TPR: variants seen among roughly 807,000 people sequenced by gnomAD.
The protein encoded by TPR is translocated promoter region, nuclear basket protein.
In TPR, 51 loss-of-function variants were observed where a neutral mutation model predicts 316.1. The observed-to-expected ratio is 0.16, with a 90% CI of 0.13 to 0.20. The LOEUF is 0.20. Among genes scored for constraint, TPR ranks in the 10% least tolerant of loss-of-function variants. TPR has a pLI of 1.00. For missense variants in TPR, 2,272 were observed against 2,754.8 expected, an observed-to-expected ratio of 0.82 and a Z score of 3.92; for synonymous variants, 981 against 914.7, an observed-to-expected ratio of 1.07 and a Z score of -1.31.
chr1:186,315,206 C>CAAAAA (rs200336536), intron 49 of TPR, among the ~76,000 whole-genome samples: 5 of 111,070 alleles, frequency 4.5e-5, no homozygotes, highest in African/African-American at 1.9e-4. Context: ...GGCCCTGTCT[C>CAAAAA]AAAAAAAAAA....
intron 39 of TPR, 92 bp downstream of exon 39, chr1:186,331,403 TAAA>T: frequency 1.5e-6 from 1 of 670,900 alleles, no homozygotes; most frequent in Non-Finnish European, 2.4e-6. Flanking sequence ...AAGAACAAGC[TAAA>T]AAAAAAAAGA....
In TPR at chr1:186,348,905, T is replaced by C. The variant is rs1038284341; in HGVS notation, c.2776+1318A>G. On this transcript the variant is annotated intron_variant, in intron 21 of 50. Coordinates refer to ENST00000367478, the MANE Select transcript of TPR (RefSeq NM_003292.3). ...AGAATGTTTTATCACATGATATCAA[T>C]AGGAAAGTATATAATTATCTACTAG... Among the ~76,000 whole-genome samples, 238 of 152,150 alleles carry C rather than the reference T, an allele frequency of 1.6e-3. 5 individuals are homozygous for C. The highest frequency in any genetic ancestry group is 2.6e-4 in the Non-Finnish European group (18 of 68,030).
chr1:186,358,457 T>A, intron 13 of TPR, 86 bp downstream of exon 13: 1 of 978,986 alleles, frequency 1.0e-6, no homozygotes, highest in Admixed American at 2.5e-5. Context: ...ACATGGTAGT[T>A]CTATCTTAGG....
chr1:186,372,661 C>T (rs1384257490), intron 2 of TPR, among the ~76,000 whole-genome samples: 1 of 152,196 alleles, frequency 6.6e-6, no homozygotes, highest in Non-Finnish European at 1.5e-5. Context: ...GGCACCCCAT[C>T]TCGTCTGATC....
At chr1:186,354,923 G>C (rs951851745) in intron 17 of TPR, among the ~76,000 whole-genome samples, 1 of 151,458 alleles carries the variant, frequency 6.6e-6, no homozygotes, top group African/African-American at 2.4e-5. Context: ...ATTTTTTTGA[G>C]ACAGAATCTC....
At chr1:186,326,046 G>A in intron 41 of TPR, 58 bp downstream of exon 41, 1 of 1,605,452 alleles carries the variant, frequency 6.2e-7, no homozygotes, top group Non-Finnish European at 8.5e-7. Context: ...TTGGAAAACA[G>A]CAAGTGAAAG....
Position 186,325,876 on chromosome 1 carries a change from A to G in TPR, c.6022-22T>C, listed in dbSNP as rs114513767. The G allele has an allele frequency of 2.1e-4, 332 of 1,605,624 alleles. 1 individual carries two copies. In the African/African-American group the frequency reaches 3.9e-3, roughly 19 times the overall value. On this transcript the variant is annotated intron_variant, in intron 41 of 50. Coordinates refer to ENST00000367478, the MANE Select transcript of TPR (RefSeq NM_003292.3). ...CACCCTAAAAACAAAACGTGGTAAC[A>G]TAATGCTCAAATAAAATAAATATGT...
chr1:186,340,926 A>C (rs1282288506), intron 29 of TPR, 102 bp downstream of exon 29: 7 of 1,400,846 alleles, frequency 5.0e-6, no homozygotes, highest in Non-Finnish European at 6.8e-6. Context: ...TAATAAACAC[A>C]GTAATTTTCA....
chr1:186,349,591 C>T (rs947386471), intron 21 of TPR, among the ~76,000 whole-genome samples: 13 of 150,950 alleles, frequency 8.6e-5, no homozygotes, highest in Admixed American at 3.3e-4. Flanking sequence ...ACCTGGAAGG[C>T]GGAGCTTGCA....
In TPR at chr1:186,334,325, C is replaced by T. The variant is rs1658275680; in HGVS notation, c.5182G>A (p.Ala1728Thr). 3.7e-6 allele frequency: 6 copies of T among 1,610,014 alleles called. No homozygotes were observed. The highest frequency in any genetic ancestry group is 5.1e-6 in the Non-Finnish European group (6 of 1,177,624). Reference sequence around the variant, plus strand: ...ATCAGATCTGTATTATTTTACTAACCTTCCTGTGATTCCACTTGTGTAGTG... The same window carrying T: ...ATCAGATCTGTATTATTTTACTAACTTTCCTGTGATTCCACTTGTGTAGTG... ...MPTTQVESQEAMQSEGPVEHV... is the reference protein window; with the variant it reads ...MPTTQVESQETMQSEGPVEHV... Residue 1728 changes from alanine to threonine, a missense_variant and splice_region_variant, in exon 36 of 51, where the codon GCT (alanine) becomes ACT (threonine). Coordinates refer to ENST00000367478, the MANE Select transcript of TPR (RefSeq NM_003292.3).
intron 39 of TPR, among the ~76,000 whole-genome samples, chr1:186,330,417 G>A (rs908616341): frequency 5.3e-5 from 8 of 152,016 alleles, no homozygotes; most frequent in Admixed American, 2.6e-4. Context: ...AAGAGGCTGC[G>A]CACAAACTGT....
In TPR at chr1:186,325,748, C is replaced by T. The variant is rs781141253; in HGVS notation, c.6112+16G>A. 9 of 1,602,706 alleles carry T rather than the reference C, an allele frequency of 5.6e-6. No homozygotes were observed. The highest frequency in any genetic ancestry group is 7.7e-6 in the Non-Finnish European group (9 of 1,171,964). On this transcript the variant is annotated intron_variant, in intron 42 of 50. Coordinates refer to ENST00000367478, the MANE Select transcript of TPR (RefSeq NM_003292.3). ...CCAGAGATATTCAATTCAAAAAAGG[C>T]TAATAAAAATCTCACCACTGTTTTG...
chr1:186,363,103 A>G lies in TPR; in HGVS notation c.532-102T>C, dbSNP rs373404958. On this transcript the variant is annotated intron_variant, in intron 5 of 50. Transcript: ENST00000367478. Reference sequence around the variant, plus strand: ...GGGACACAAGCAGAATTTTATTTCAAAACAGAAATTAAGTATTTGCATAGA... The same window carrying G: ...GGGACACAAGCAGAATTTTATTTCAGAACAGAAATTAAGTATTTGCATAGA... The G allele has an allele frequency of 3.7e-5, 48 of 1,292,044 alleles. 1 individual carries two copies. In the Middle Eastern group the frequency reaches 1.3e-3, roughly 34 times the overall value. 80.0% of individuals were successfully genotyped at this position (1,292,044 alleles called of 1,614,324 possible).
intron 27 of TPR, chr1:186,341,930 C>T (rs12024682): frequency 0.088 from 13,540 of 153,356 alleles, 864 homozygotes; most frequent in East Asian, 0.25. Flanking sequence ...GGTTGCCATG[C>T]TACACTGTTC....
chr1:186,362,161 T>C (rs1405561454), intron 7 of TPR, 127 bp downstream of exon 7: 5 of 723,508 alleles, frequency 6.9e-6, no homozygotes, highest in Non-Finnish European at 6.7e-6. Context: ...CTACAGCATA[T>C]GGAAGGAGGA....
intron 2 of TPR, among the ~76,000 whole-genome samples, 153 bp downstream of exon 2, chr1:186,373,203 CACT>C (rs369213548): frequency 8.5e-5 from 13 of 152,242 alleles, no homozygotes; most frequent in African/African-American, 3.1e-4. Context: ...AAATCTTTAC[CACT>C]AAGTGAAAAA....
intron 17 of TPR, 105 bp from the exon 18 acceptor site, chr1:186,353,955 A>G (rs1422251279): frequency 3.1e-5 from 31 of 998,920 alleles, no homozygotes; most frequent in Non-Finnish European, 2.9e-6. Context: ...ATGCCCTGAG[A>G]ATATTGTCTC....
At position 186,370,832 on chromosome 1, in the gene TPR, C is replaced by T. The variant is rs551016473; in HGVS notation, c.330+138G>A. 3.9e-5 allele frequency: 24 copies of T among 609,566 alleles called. No homozygotes were observed. In the South Asian group the frequency reaches 5.1e-4, roughly 13 times the overall value. The allele number at this position is 609,566 out of a possible 1,614,324, so 37.8% of individuals were successfully genotyped here. A position where few individuals can be genotyped will look rare whatever the true frequency, so the allele number is the denominator to read the frequency against. On this transcript the variant is annotated intron_variant, in intron 3 of 50. Transcript: ENST00000367478. Reference sequence around the variant, plus strand: ...GATCCAATTAAGGAATTTATATTTACATATTTTTGTTGGTAGCTTCCCCTA... The same window carrying T: ...GATCCAATTAAGGAATTTATATTTATATATTTTTGTTGGTAGCTTCCCCTA...
At chr1:186,317,441 G>T in intron 49 of TPR, 41 bp downstream of exon 49, 1 of 1,457,414 alleles carries the variant, frequency 6.9e-7, no homozygotes, top group South Asian at 1.1e-5. Flanking sequence ...AAACAAGTTT[G>T]ATGTATAAAA....
Sources: gnomAD v4.1 joint callset for allele counts (sites outside exome capture counted in the v4.1 genomes callset) on GRCh38, gnomAD v4.1.1 for gene constraint, MANE v1.5 for transcripts, NCBI Gene and HGNC (gene_info 2026-07-23, HGNC 2026-07-21) for gene names.